The following PLCXD1 variants were observed in gnomAD, a reference collection of about 807,000 sequenced individuals.
PLCXD1 encodes phosphatidylinositol specific phospholipase C X domain containing 1.
Under a neutral mutation model 37.8 loss-of-function variants are expected in PLCXD1, and 45 were observed. That is an observed-to-expected ratio of 1.19 (90% CI 0.94 to 1.53). The LOEUF is 1.53. Ranked by LOEUF, PLCXD1 falls within the 40% of genes most tolerant of loss-of-function variation. The pLI is 0.00. For missense variants in PLCXD1, 539 were observed against 454.7 expected (o/e 1.19, Z -1.69); for synonymous variants, 246 against 206.9 (o/e 1.19, Z -1.62).
rs1423644687 is a variant in PLCXD1, at chrX:299,260, C to T, written c.897C>T (p.Ile299=). 2.5e-6 allele frequency: 4 copies of T among 1,613,780 alleles called. No homozygotes were observed. The highest frequency in any genetic ancestry group is 3.4e-6 in the Non-Finnish European group (4 of 1,179,862). ...CGGGTTCACGGTGCACCAACATCAT[C>T]GCGGGGGACTTCATCGGCGCAGACG... ...PGPGSRCTNI[I]AGDFIGADGF... The change falls in exon 7 of 7, where the codon ATC becomes ATT. Residue 299 remains isoleucine (I), a synonymous_variant. Coordinates refer to ENST00000381657, the MANE Select transcript of PLCXD1 (RefSeq NM_018390.4).
At chrX:287,239 AATAT>A (rs1235075610) in intron 2 of PLCXD1, among the ~76,000 whole-genome samples, 1 of 142,248 alleles carries the variant, frequency 7.0e-6, no homozygotes, top group Non-Finnish European at 1.5e-5. Flanking sequence ...ATTTATATAT[AATAT>A]ATAAATAAGT....
intron 2 of PLCXD1, among the ~76,000 whole-genome samples, chrX:287,579 A>C: frequency 1.1e-5 from 1 of 92,332 alleles, no homozygotes; most frequent in African/African-American, 4.4e-5. Flanking sequence ...TTATATATAG[A>C]TATAGATACT....
intron 6 of PLCXD1, among the ~76,000 whole-genome samples, chrX:294,994 C>A (rs919799559): frequency 5.9e-5 from 9 of 151,862 alleles, no homozygotes; most frequent in Admixed American, 2.0e-4. Context: ...TGGTGAAACC[C>A]CATCTCTAGT....
At chrX:285,587 A>G (rs1014723837) in intron 2 of PLCXD1, among the ~76,000 whole-genome samples, 2 of 151,970 alleles carry the variant, frequency 1.3e-5, no homozygotes, top group South Asian at 2.1e-4. Flanking sequence ...ACATAGACAT[A>G]CATGAATGCA....
intron 2 of PLCXD1, among the ~76,000 whole-genome samples, chrX:286,414 C>T (rs1388908629): frequency 6.6e-6 from 1 of 152,086 alleles, no homozygotes; most frequent in African/African-American, 2.4e-5. Context: ...CTAGAGCTGA[C>T]CTAGTAAGTA....
chrX:277,338 T>TC (rs771108891), upstream of PLCXD1, among the ~76,000 whole-genome samples: 3 of 26,446 alleles, frequency 1.1e-4, no homozygotes, highest in African/African-American at 1.2e-4. Flanking sequence ...AGGGGAGGGG[T>TC]TGGGGAACGT....
chrX:288,432 T>C (rs1301013013), intron 2 of PLCXD1, among the ~76,000 whole-genome samples: 1 of 152,146 alleles, frequency 6.6e-6, no homozygotes, highest in Non-Finnish European at 1.5e-5. Flanking sequence ...CTCCTCTGTG[T>C]CTGTCTCCTC....
rs752573645 is a variant in PLCXD1 at position 299,177 on chromosome X, A to T, written c.814A>T (p.Met272Leu). 6.8e-6 allele frequency: 11 copies of T among 1,613,918 alleles called. No homozygotes were observed. Among genetic ancestry groups the T allele is most frequent in the Non-Finnish European group, 9.3e-6 (11 of 1,179,866 alleles). Residue 272 changes from methionine to leucine, a missense_variant, in exon 7 of 7, where the codon ATG (methionine) becomes TTG (leucine). Transcript: ENST00000381657. The part of the protein sequence containing the change: ...LAHPSESLEK[M>L]TLPNLPRLSA... ...GCACCCGTCCGAGTCCCTGGAGAAG[A>T]TGACGCTGCCCAACCTTCCGCGGCT...
intron 4 of PLCXD1, among the ~76,000 whole-genome samples, chrX:291,047 T>C (rs765787437): frequency 3.3e-5 from 5 of 151,384 alleles, no homozygotes; most frequent in Admixed American, 6.6e-5. Flanking sequence ...CATGCAGATG[T>C]GGACAGGAAA....
chrX:279,494 G>A (rs1406665716), upstream of PLCXD1, among the ~76,000 whole-genome samples: 9 of 152,282 alleles, frequency 5.9e-5, no homozygotes, highest in African/African-American at 1.4e-4. Context: ...TTATTAGGCC[G>A]GGCACGGTGG....
chrX:298,739 G>A (rs1238396701), intron 6 of PLCXD1, among the ~76,000 whole-genome samples: 1 of 67,192 alleles, frequency 1.5e-5, no homozygotes, highest in African/African-American at 7.0e-5. Context: ...CCATTATCCT[G>A]TCTATCACAT....
chrX:279,998 G>A (rs1213036402), upstream of PLCXD1, among the ~76,000 whole-genome samples: 2 of 152,050 alleles, frequency 1.3e-5, no homozygotes, highest in Admixed American at 6.5e-5. Context: ...ACAGGCGCGC[G>A]CCAGCACGGC....
At chrX:279,633 G>A (rs2069220474), upstream of PLCXD1, among the ~76,000 whole-genome samples, 3 of 152,064 alleles carry the variant, frequency 2.0e-5, no homozygotes, top group African/African-American at 4.8e-5. Flanking sequence ...AATTAGCTGG[G>A]AATGGTGGCA....
chrX:289,466 C>T (rs1169761924), intron 3 of PLCXD1, among the ~76,000 whole-genome samples: 8 of 151,624 alleles, frequency 5.3e-5, no homozygotes, highest in Non-Finnish European at 8.8e-5. Flanking sequence ...GAGAGGGTCT[C>T]GCCCTGTTGC....
intron 3 of PLCXD1, among the ~76,000 whole-genome samples, chrX:289,113 G>T (rs1319045249): frequency 6.6e-6 from 1 of 152,112 alleles, no homozygotes; most frequent in East Asian, 1.9e-4. Flanking sequence ...TTGAGACAGG[G>T]TCTCACTCTT....
upstream of PLCXD1, chrX:276,460 G>C (rs2069159133): frequency 6.6e-6 from 1 of 152,304 alleles, no homozygotes; most frequent in African/African-American, 2.4e-5. Flanking sequence ...GGTGCCGTCT[G>C]TGCCTGTTGT....
chrX:298,956 G>T, intron 6 of PLCXD1, 141 bp from the exon 7 acceptor site: 1 of 695,986 alleles, frequency 1.4e-6, no homozygotes, highest in Admixed American at 2.2e-5. Flanking sequence ...TATAAGCAAA[G>T]CTCACCCAAT....
rs1341100455 is a variant in PLCXD1 at position 293,231 on chromosome X, C to G, written c.733+13C>G. On this transcript the variant is annotated intron_variant, in intron 6 of 6. Transcript: ENST00000381657. ...TGCGGCCGCCCAGGTACCAGGTCGCCCCTCGTGGGGGTAGATTCCACACAG... is the reference window on the plus strand; with the variant it reads ...TGCGGCCGCCCAGGTACCAGGTCGCGCCTCGTGGGGGTAGATTCCACACAG... 20 of 1,602,760 alleles carry G rather than the reference C, an allele frequency of 1.2e-5. No individual in the cohort carries two copies. The highest frequency in any genetic ancestry group is 1.6e-5 in the Non-Finnish European group (19 of 1,172,782).
At chrX:291,953 G>A (rs2124370721) in intron 5 of PLCXD1, among the ~76,000 whole-genome samples, 1 of 152,026 alleles carries the variant, frequency 6.6e-6, no homozygotes, top group East Asian at 1.9e-4. Context: ...GGATCACGAG[G>A]TCAAGAGATC....
Sources: allele counts gnomAD v4.1 joint callset (sites outside exome capture counted in the v4.1 genomes callset), GRCh38; gene constraint gnomAD v4.1.1; transcripts MANE v1.5; gene names NCBI Gene and HGNC (gene_info 2026-07-23, HGNC 2026-07-21).